Variants in IRAK3 observed in about 807,000 individuals in gnomAD.
The protein encoded by IRAK3 is interleukin 1 receptor associated kinase 3.
In IRAK3, 57 loss-of-function variants were observed where a neutral mutation model predicts 56.6. The ratio of observed to expected loss-of-function variants is 1.01; its 90% CI spans 0.81 to 1.26. The LOEUF (loss-of-function observed/expected upper bound fraction) is 1.26, where lower values mean the gene tolerates loss of function less well. IRAK3 is among the 50% of genes most tolerant of loss of function. The probability of loss-of-function intolerance (pLI) is 0.00; values close to 1 mark genes in which losing one functional copy is unlikely to be tolerated. For missense variants in IRAK3, 703 were observed against 719.0 expected (o/e 0.98, Z 0.25); for synonymous variants, 258 against 255.7 (o/e 1.01, Z -0.09).
chr12:66,235,804 G>T (rs562442088), intron 8 of IRAK3, among the ~76,000 whole-genome samples: 1 of 151,996 alleles, frequency 6.6e-6, no homozygotes, highest in South Asian at 2.1e-4. Flanking sequence ...TATCAACAAC[G>T]TTTTGTTTGG....
intron 6 of IRAK3, among the ~76,000 whole-genome samples, chr12:66,223,385 C>T (rs1200159695): frequency 6.6e-6 from 1 of 151,854 alleles, no homozygotes; most frequent in African/African-American, 2.4e-5. Context: ...TGAGGCCAGG[C>T]GCGGTGGCTC....
intron 6 of IRAK3, among the ~76,000 whole-genome samples, chr12:66,221,342 G>A (rs2052731464): frequency 1.3e-5 from 2 of 152,106 alleles, no homozygotes; most frequent in Admixed American, 1.3e-4. Flanking sequence ...CAATTAGGAT[G>A]CTTTTATTTC....
At chr12:66,216,652 C>T (rs2052680022) in intron 5 of IRAK3, among the ~76,000 whole-genome samples, 1 of 152,154 alleles carries the variant, frequency 6.6e-6, no homozygotes, top group African/African-American at 2.4e-5. Flanking sequence ...GTGTCAGGCT[C>T]TGGGCTATCT....
At chr12:66,207,158 C>T (rs78395181) in intron 2 of IRAK3, among the ~76,000 whole-genome samples, 1,683 of 152,160 alleles carry the variant, frequency 0.011, 39 homozygotes, top group African/African-American at 0.038. Context: ...TTGGTTCTAT[C>T]GAGTTTTCTT....
chr12:66,216,882 T>C (rs1221548688), intron 5 of IRAK3, among the ~76,000 whole-genome samples: 1 of 152,208 alleles, frequency 6.6e-6, no homozygotes, highest in Non-Finnish European at 1.5e-5. Flanking sequence ...TTTGAATACA[T>C]AGAATGTTTT....
chr12:66,191,381 G>C (rs1403965886), intron 1 of IRAK3, among the ~76,000 whole-genome samples: 1 of 152,202 alleles, frequency 6.6e-6, no homozygotes, highest in Non-Finnish European at 1.5e-5. Context: ...GTTACTGATA[G>C]TTTAACTTGT....
chr12:66,203,592 A>T, intron 1 of IRAK3, 119 bp from the exon 2 acceptor site: 1 of 934,938 alleles, frequency 1.1e-6, no homozygotes, highest in Non-Finnish European at 1.7e-6. Context: ...AATAAAAGTT[A>T]TAAATAAGAG....
chr12:66,233,137 A>G (rs947248475), intron 8 of IRAK3, among the ~76,000 whole-genome samples: 1 of 152,166 alleles, frequency 6.6e-6, no homozygotes, highest in Non-Finnish European at 1.5e-5. Context: ...ATTAGTTTGA[A>G]CTAACTTTTA....
At chr12:66,246,255 A>G (rs1197593489) in intron 11 of IRAK3, among the ~76,000 whole-genome samples, 1 of 152,192 alleles carries the variant, frequency 6.6e-6, no homozygotes, top group East Asian at 1.9e-4. Context: ...ATACCTGCAA[A>G]GGCTCCAAGG....
chr12:66,247,167 G>A (rs1220285414), intron 11 of IRAK3, among the ~76,000 whole-genome samples: 1 of 152,138 alleles, frequency 6.6e-6, no homozygotes, highest in African/African-American at 2.4e-5. Flanking sequence ...CTACTTGGGA[G>A]GCTAAGGCAG....
At chr12:66,222,586 T>C (rs1391735916) in intron 6 of IRAK3, among the ~76,000 whole-genome samples, 1 of 152,126 alleles carries the variant, frequency 6.6e-6, no homozygotes, top group Non-Finnish European at 1.5e-5. Flanking sequence ...AGTATCAATT[T>C]TTCTGAGAGA....
rs575399972 is a variant in IRAK3 at position 66,235,082 on chromosome 12, G to A, written c.887+6712G>A. 32 of 1,613,438 alleles carry A rather than the reference G, an allele frequency of 2.0e-5. No individual in the cohort carries two copies. The East Asian group carries it at 6.9e-4, about 35-fold the overall frequency. On this transcript the variant is annotated intron_variant, in intron 8 of 11. Coordinates refer to ENST00000261233, the MANE Select transcript of IRAK3 (RefSeq NM_007199.3). ...CACCAGGTCCTGGTCGGTGGTGTGG[G>A]GAGGCAGTCCTCGGATATAGAGGTT...
At chr12:66,236,546 C>T (rs774584137) in intron 8 of IRAK3, among the ~76,000 whole-genome samples, 7 of 150,280 alleles carry the variant, frequency 4.7e-5, no homozygotes, top group South Asian at 2.1e-4. Flanking sequence ...ACAGTCTGGG[C>T]GATAGAACAA....
intron 1 of IRAK3, chr12:66,198,157 T>C: frequency 3.7e-5 from 35 of 947,942 alleles, no homozygotes; most frequent in Non-Finnish European, 4.3e-5. Context: ...CATCTTTGCA[T>C]CACCTTCTCA....
At chr12:66,230,367 T>G (rs1239728029) in intron 8 of IRAK3, among the ~76,000 whole-genome samples, 5 of 152,104 alleles carry the variant, frequency 3.3e-5, no homozygotes, top group Admixed American at 6.5e-5. Context: ...AAGGCAGGAT[T>G]GGGCAGCTGG....
At chr12:66,243,212 T>C (rs923968173) in intron 8 of IRAK3, among the ~76,000 whole-genome samples, 4 of 152,132 alleles carry the variant, frequency 2.6e-5, no homozygotes, top group African/African-American at 9.7e-5. Flanking sequence ...AGTAGGACTC[T>C]GAGTCCTCTG....
intron 4 of IRAK3, 105 bp from the exon 5 acceptor site, chr12:66,211,341 C>T: frequency 1.2e-6 from 1 of 827,946 alleles, no homozygotes. Context: ...CCTTTCTCTA[C>T]TAACCTTCCA....
At chr12:66,236,620 T>TC (rs936550178) in intron 8 of IRAK3, among the ~76,000 whole-genome samples, 12 of 151,956 alleles carry the variant, frequency 7.9e-5, no homozygotes, top group Non-Finnish European at 8.8e-5. Context: ...AGGTCTTTTT[T>TC]CTCTTTCTGT....
intron 5 of IRAK3, among the ~76,000 whole-genome samples, chr12:66,213,469 G>A (rs1389111365): frequency 2.0e-5 from 3 of 152,162 alleles, no homozygotes; most frequent in Admixed American, 2.0e-4. Context: ...TGGGTGTTTG[G>A]TAAGGGTTAG....
Sources: gnomAD v4.1 joint callset for allele counts (sites outside exome capture counted in the v4.1 genomes callset) on GRCh38, gnomAD v4.1.1 for gene constraint, MANE v1.5 for transcripts, NCBI Gene and HGNC (gene_info 2026-07-23, HGNC 2026-07-21) for gene names.